The following TBL1X variants were observed in gnomAD, a reference collection of about 807,000 sequenced individuals.
TBL1X encodes the protein F-box-like/WD repeat-containing protein TBL1X.
Under a neutral mutation model 50.7 loss-of-function variants are expected in TBL1X, and 10 were observed. The observed-to-expected ratio is 0.20, with a 90% CI of 0.12 to 0.33. TBL1X has a LOEUF of 0.33. Ranked by LOEUF, TBL1X falls within the 10% of genes least tolerant of loss-of-function variation. The pLI, the probability that TBL1X is intolerant of heterozygous loss-of-function variation, is 1.00. For synonymous variants in TBL1X, 190 were observed against 214.7 expected, an observed-to-expected ratio of 0.88 and a Z score of 1.01; for missense variants, 340 against 504.4, an observed-to-expected ratio of 0.67 and a Z score of 3.12.
At chrX:9,518,132 G>C (rs186475647) in intron 2 of TBL1X, among the ~76,000 whole-genome samples, 8 of 109,337 alleles carry the variant, frequency 7.3e-5, no homozygotes, top group Non-Finnish European at 1.5e-4. Context: ...GAAAAAAACA[G>C]TACCTTGTTG....
At chrX:9,495,724 C>T (rs775140953) in intron 1 of TBL1X, among the ~76,000 whole-genome samples, 29 of 112,049 alleles carry the variant, frequency 2.6e-4, no homozygotes, top group Non-Finnish European at 3.8e-4. Flanking sequence ...TAAGACGCAT[C>T]CCAGCCTTGT....
intron 2 of TBL1X, among the ~76,000 whole-genome samples, chrX:9,579,633 G>A (rs958760006): frequency 1.2e-4 from 13 of 111,747 alleles, no homozygotes; most frequent in Admixed American, 7.6e-4. Flanking sequence ...AGGTTCATCC[G>A]AGTCAATGTC....
chrX:9,497,552 A>C (rs146487197), intron 1 of TBL1X, among the ~76,000 whole-genome samples: 2 of 111,107 alleles, frequency 1.8e-5, no homozygotes, highest in Non-Finnish European at 3.8e-5. Flanking sequence ...TATGTGTCAT[A>C]AACTTGAAAG....
intron 5 of TBL1X, among the ~76,000 whole-genome samples, chrX:9,655,592 A>G (rs1023029202): frequency 3.6e-5 from 4 of 111,793 alleles, no homozygotes; most frequent in African/African-American, 9.8e-5. Context: ...ACTTCAACTC[A>G]TAACAGTCGG....
At chrX:9,509,764 G>T (rs1465263082) in intron 2 of TBL1X, among the ~76,000 whole-genome samples, 3 of 110,691 alleles carry the variant, frequency 2.7e-5, no homozygotes, top group Middle Eastern at 4.6e-3. Flanking sequence ...AGGTTTACAG[G>T]TATGAGCCAC....
intron 17 of TBL1X, 144 bp downstream of exon 17, chrX:9,715,147 G>A: frequency 1.9e-6 from 1 of 532,969 alleles, no homozygotes; most frequent in Admixed American, 3.3e-5. Flanking sequence ...TCCCATCGGA[G>A]TTGGTACCAC....
At chrX:9,632,150 T>G (rs188850552) in intron 2 of TBL1X, among the ~76,000 whole-genome samples, 3 of 112,094 alleles carry the variant, frequency 2.7e-5, no homozygotes, top group African/African-American at 6.5e-5. Flanking sequence ...AAGAAATTGA[T>G]TGTGTCTTGT....
chrX:9,534,364 C>T (rs12012068), intron 2 of TBL1X, among the ~76,000 whole-genome samples: 1,199 of 111,057 alleles, frequency 0.011, 24 homozygotes, highest in African/African-American at 0.037. Context: ...TTAGTGGCCA[C>T]GTATTATTCG....
At chrX:9,502,395 T>C (rs1293734302) in intron 2 of TBL1X, among the ~76,000 whole-genome samples, 2 of 112,353 alleles carry the variant, frequency 1.8e-5, no homozygotes, top group South Asian at 3.7e-4. Context: ...CCATTATGTG[T>C]CCATCTCATC....
At chrX:9,554,885 G>A (rs1354575658) in intron 2 of TBL1X, among the ~76,000 whole-genome samples, 1 of 111,377 alleles carries the variant, frequency 9.0e-6, no homozygotes, top group African/African-American at 3.3e-5. Flanking sequence ...AAGCGTCCCT[G>A]TAACCATTAG....
intron 3 of TBL1X, chrX:9,644,547 T>C (rs1355798708): frequency 2.7e-5 from 3 of 112,290 alleles, no homozygotes; most frequent in African/African-American, 9.7e-5. Flanking sequence ...TTGACGTGCA[T>C]GTGGGCTTTG....
chrX:9,576,825 C>G (rs767693976), intron 2 of TBL1X, among the ~76,000 whole-genome samples: 2 of 109,111 alleles, frequency 1.8e-5, no homozygotes, highest in South Asian at 8.1e-4. Flanking sequence ...ATGGTGAGGC[C>G]CCATTTCTAC....
At chrX:9,703,835 G>A (rs1421880453) in intron 12 of TBL1X, among the ~76,000 whole-genome samples, 2 of 112,142 alleles carry the variant, frequency 1.8e-5, no homozygotes, top group African/African-American at 6.5e-5. Context: ...GAGGCAGAAC[G>A]AGGAATGAGG....
intron 2 of TBL1X, among the ~76,000 whole-genome samples, chrX:9,571,936 A>G (rs1268923909): frequency 8.9e-6 from 1 of 112,478 alleles, no homozygotes; most frequent in Admixed American, 9.4e-5. Flanking sequence ...TTAAAGCTGA[A>G]TAATATTCCC....
chrX:9,712,489 C>G (rs1174654583), intron 16 of TBL1X, among the ~76,000 whole-genome samples: 1 of 112,275 alleles, frequency 8.9e-6, no homozygotes, highest in African/African-American at 3.2e-5. Context: ...AGGCACCCGC[C>G]ATCATGCCCA....
At chrX:9,657,942 G>A (rs1463551830) in intron 5 of TBL1X, among the ~76,000 whole-genome samples, 4 of 112,082 alleles carry the variant, frequency 3.6e-5, no homozygotes. Context: ...TGTAGCTCCC[G>A]TAATTCCCAC....
rs1270260483 is a variant in TBL1X, at chrX:9,673,019, G to A, written c.212-11024G>A. On this transcript the variant is annotated intron_variant, in intron 5 of 17. Transcript: ENST00000645353. The stretch of plus-strand genomic sequence containing the variant: ...CCTTCTCCCTGTGTCCTCACGTGGT[G>A]GAAGAGGCAAGGGAGCTCTCTGGGG... 4.5e-5 allele frequency among the ~76,000 whole-genome samples: 5 copies of A among 111,866 alleles called. No homozygotes were observed. In the South Asian group the frequency reaches 1.1e-3, roughly 25 times the overall value.
intron 2 of TBL1X, among the ~76,000 whole-genome samples, chrX:9,625,859 A>T (rs892425515): frequency 5.4e-5 from 6 of 112,019 alleles, no homozygotes; most frequent in Non-Finnish European, 1.1e-4. Flanking sequence ...GAATCGCTTG[A>T]ACCCGGCGGG....
chrX:9,667,499 A>C (rs1353880891), intron 5 of TBL1X, among the ~76,000 whole-genome samples: 3 of 112,386 alleles, frequency 2.7e-5, no homozygotes. Context: ...AAAGGGTTTT[A>C]AAAGGTTTTT....
Sources: allele counts gnomAD v4.1 joint callset (sites outside exome capture counted in the v4.1 genomes callset), GRCh38; gene constraint gnomAD v4.1.1; transcripts MANE v1.5; gene names NCBI Gene and HGNC (gene_info 2026-07-23, HGNC 2026-07-21).